Variants in ZBTB20 observed in about 807,000 individuals in gnomAD.
ZBTB20 encodes zinc finger and BTB domain containing 20, also known as zinc finger and BTB domain-containing protein 20.
ZBTB20 carries 9 observed loss-of-function variants against 56.9 expected under a neutral mutation model. That is an observed-to-expected ratio of 0.16 (90% CI 0.10 to 0.28). The LOEUF is 0.28. ZBTB20 is among the 10% of genes least tolerant of loss of function. The pLI is 1.00. For synonymous variants in ZBTB20, 417 were observed against 420.7 expected (o/e 0.99, Z 0.11); for missense variants, 655 against 1,003.0 (o/e 0.65, Z 4.69).
chr3:114,780,450 C>T (rs1483116403), intron 5 of ZBTB20, among the ~76,000 whole-genome samples: 2 of 152,146 alleles, frequency 1.3e-5, no homozygotes, highest in African/African-American at 2.4e-5. Context: ...CATGTCATTG[C>T]TAGAGACTAG....
At chr3:114,858,000 A>C (rs1186808965) in intron 4 of ZBTB20, among the ~76,000 whole-genome samples, 2 of 152,206 alleles carry the variant, frequency 1.3e-5, no homozygotes, top group Non-Finnish European at 2.9e-5. Flanking sequence ...TAGCCTTGTA[A>C]ATGTTTATTC....
chr3:114,614,949 G>T (rs2057825378), intron 6 of ZBTB20, among the ~76,000 whole-genome samples: 1 of 152,048 alleles, frequency 6.6e-6, no homozygotes, highest in Non-Finnish European at 1.5e-5. Context: ...GTAGAGACGA[G>T]GTTTCATCAT....
At chr3:114,753,181 A>C (rs1205526909) in intron 5 of ZBTB20, among the ~76,000 whole-genome samples, 1 of 151,164 alleles carries the variant, frequency 6.6e-6, no homozygotes, top group African/African-American at 2.4e-5. Flanking sequence ...AGTAATGGGG[A>C]ACACAGGAGG....
intron 7 of ZBTB20, among the ~76,000 whole-genome samples, chr3:114,392,709 T>C (rs1214470273): frequency 5.3e-5 from 8 of 152,216 alleles, no homozygotes; most frequent in Admixed American, 3.9e-4. Context: ...ATATTACTAA[T>C]TTACTTGTAG....
chr3:114,447,719 A>G (rs966059944), intron 7 of ZBTB20, among the ~76,000 whole-genome samples: 1 of 152,184 alleles, frequency 6.6e-6, no homozygotes, highest in African/African-American at 2.4e-5. Context: ...CTTAAGGAGA[A>G]GAGCTCCATC....
intron 2 of ZBTB20, among the ~76,000 whole-genome samples, chr3:115,065,888 A>G (rs1323970400): frequency 1.3e-5 from 2 of 152,182 alleles, no homozygotes; most frequent in Non-Finnish European, 2.9e-5. Context: ...GAAGACTCCC[A>G]GACACATCCT....
At chr3:114,409,400 T>C (rs1186996829) in intron 7 of ZBTB20, among the ~76,000 whole-genome samples, 1 of 152,072 alleles carries the variant, frequency 6.6e-6, no homozygotes, top group Admixed American at 6.6e-5. Context: ...CCAATCGATT[T>C]TGGCCTAGCT....
chr3:114,699,981 G>A (rs77859231), intron 5 of ZBTB20, among the ~76,000 whole-genome samples: 2,541 of 152,104 alleles, frequency 0.017, 31 homozygotes, highest in Middle Eastern at 0.068. Flanking sequence ...TGCCATAGGG[G>A]AAGATTTCAA....
At chr3:115,038,008 AAACTT>A (rs1403661800) in intron 2 of ZBTB20, among the ~76,000 whole-genome samples, 2 of 152,264 alleles carry the variant, frequency 1.3e-5, no homozygotes, top group Non-Finnish European at 2.9e-5. Flanking sequence ...TTACAATAGA[AAACTT>A]AGCTATTCAA....
intron 4 of ZBTB20, among the ~76,000 whole-genome samples, chr3:114,859,865 T>C (rs1185594882): frequency 2.0e-5 from 3 of 152,158 alleles, no homozygotes; most frequent in Non-Finnish European, 4.4e-5. Flanking sequence ...TGCTATTCTA[T>C]ATATATAGGT....
intron 4 of ZBTB20, among the ~76,000 whole-genome samples, chr3:114,817,854 T>G (rs1370579003): frequency 6.6e-6 from 1 of 152,036 alleles, no homozygotes; most frequent in East Asian, 1.9e-4. Context: ...ATAAGACAAA[T>G]GATACCATTA....
At chr3:114,539,606 A>G (rs768050954) in intron 6 of ZBTB20, among the ~76,000 whole-genome samples, 1 of 152,134 alleles carries the variant, frequency 6.6e-6, no homozygotes, top group Admixed American at 6.6e-5. Flanking sequence ...GCATCGTATC[A>G]TTAGTAATGT....
intron 11 of ZBTB20, among the ~76,000 whole-genome samples, chr3:114,342,573 C>T (rs1419324008): frequency 6.6e-6 from 1 of 152,184 alleles, no homozygotes; most frequent in Non-Finnish European, 1.5e-5. Context: ...CTCTATAAGC[C>T]TCAGTTTCCT....
chr3:114,799,732 A>C (rs1222558057), intron 5 of ZBTB20, among the ~76,000 whole-genome samples: 1 of 151,944 alleles, frequency 6.6e-6, no homozygotes, highest in Non-Finnish European at 1.5e-5. Context: ...TTATTCACTC[A>C]TACCAGCCAG....
Position 114,332,209 on chromosome 3 carries a change from G to C in ZBTB20, c.*6796C>G, listed in dbSNP as rs1362333723. On this transcript the variant is annotated 3_prime_UTR_variant, in exon 12 of 12. Coordinates refer to ENST00000675478, the MANE Select transcript of ZBTB20 (RefSeq NM_001348800.3). ...CCCAGAAGCCTGGACTCTCAGGACT[G>C]TGGCTAGATTTTGCCCATGATCTGT... 1.3e-5 allele frequency: 2 copies of C among 152,090 alleles called. No homozygotes were observed. The highest frequency in any genetic ancestry group is 1.3e-4 in the Admixed American group (2 of 15,264). 9.4% of individuals were successfully genotyped at this position (152,090 alleles called of 1,614,324 possible).
At chr3:114,644,124 G>C (rs2059709682) in intron 6 of ZBTB20, among the ~76,000 whole-genome samples, 1 of 151,840 alleles carries the variant, frequency 6.6e-6, no homozygotes, top group Admixed American at 6.6e-5. Context: ...ACAATTCCAA[G>C]GATATTTAGG....
At chr3:114,515,937 C>T (rs529925790) in intron 6 of ZBTB20, among the ~76,000 whole-genome samples, 1 of 152,208 alleles carries the variant, frequency 6.6e-6, no homozygotes, top group Non-Finnish European at 1.5e-5. Context: ...CTTCAAGCTT[C>T]CTAAGCTCCC....
intron 5 of ZBTB20, among the ~76,000 whole-genome samples, chr3:114,777,426 C>T (rs1005461956): frequency 1.3e-5 from 2 of 152,102 alleles, no homozygotes; most frequent in South Asian, 2.1e-4. Context: ...ATCTCTTGAA[C>T]CCAAGAGGCA....
In ZBTB20 at chr3:114,333,073, A is replaced by C. The variant is rs978118148; in HGVS notation, c.*5932T>G. On this transcript the variant is annotated 3_prime_UTR_variant, in exon 12 of 12. Transcript: ENST00000675478. ...CTGACTGCTATAGACTCAGTGTTCAAGGAGAAAAAAATCTTCAGAGACTTA... is the reference window on the plus strand; with the variant it reads ...CTGACTGCTATAGACTCAGTGTTCACGGAGAAAAAAATCTTCAGAGACTTA... 4 of 152,238 alleles carry C rather than the reference A, an allele frequency of 2.6e-5. No individual in the cohort carries two copies. The highest frequency in any genetic ancestry group is 9.7e-5 in the African/African-American group (4 of 41,440). The allele number at this position is 152,238 out of a possible 1,614,324, so 9.4% of individuals were successfully genotyped here.
Sources: allele counts gnomAD v4.1 joint callset (sites outside exome capture counted in the v4.1 genomes callset), GRCh38; gene constraint gnomAD v4.1.1; transcripts MANE v1.5; gene names NCBI Gene and HGNC (gene_info 2026-07-23, HGNC 2026-07-21).